Variants in USP25 observed in about 807,000 individuals in gnomAD.
USP25 encodes the protein ubiquitin specific peptidase 25.
Under a neutral mutation model 158.5 loss-of-function variants are expected in USP25, and 85 were observed. That is an observed-to-expected ratio of 0.54 (90% CI 0.45 to 0.64). The LOEUF is 0.64. Among genes scored for constraint, USP25 ranks in the 30% least tolerant of loss-of-function variants. USP25 has a pLI of 0.00. For synonymous variants in USP25, 464 were observed against 460.4 expected (o/e 1.01, Z -0.10); for missense variants, 1,242 against 1,327.3 (o/e 0.94, Z 1.00).
At chr21:15,738,999 A>G (rs2031786603) in intron 1 of USP25, among the ~76,000 whole-genome samples, 1 of 152,084 alleles carries the variant, frequency 6.6e-6, no homozygotes, top group Admixed American at 6.5e-5. Flanking sequence ...TGAGCCCTTA[A>G]AAGGGACAGG....
chr21:15,774,364 G>A (rs963909484), intron 3 of USP25, among the ~76,000 whole-genome samples: 17 of 152,142 alleles, frequency 1.1e-4, no homozygotes, highest in African/African-American at 3.1e-4. Flanking sequence ...AAGCCTTTAA[G>A]TATTGAGAAG....
intron 3 of USP25, among the ~76,000 whole-genome samples, chr21:15,771,915 A>C (rs576295188): frequency 1.4e-4 from 21 of 152,254 alleles, no homozygotes; most frequent in African/African-American, 4.6e-4. Flanking sequence ...TTTTTTAAAA[A>C]AAGTATTTCC....
intron 5 of USP25, among the ~76,000 whole-genome samples, chr21:15,799,176 C>T (rs1443506453): frequency 6.6e-6 from 1 of 151,174 alleles, no homozygotes; most frequent in Non-Finnish European, 1.5e-5. Flanking sequence ...AAAAAACATA[C>T]TCCAGGAAGC....
intron 5 of USP25, among the ~76,000 whole-genome samples, chr21:15,797,570 C>T (rs1013782763): frequency 6.6e-6 from 1 of 151,164 alleles, no homozygotes; most frequent in Non-Finnish European, 1.5e-5. Flanking sequence ...AATTCTTCAC[C>T]AGCACACCCA....
chr21:15,828,575 G>A (rs2037641064), intron 14 of USP25, among the ~76,000 whole-genome samples: 1 of 152,178 alleles, frequency 6.6e-6, no homozygotes, highest in East Asian at 1.9e-4. Context: ...TAAAGCAGTG[G>A]GCAAAGAGGT....
At chr21:15,831,740 A>G in intron 16 of USP25, 111 bp downstream of exon 16, 1 of 900,578 alleles carries the variant, frequency 1.1e-6, no homozygotes, top group Non-Finnish European at 1.8e-6. Context: ...TGTGGTTAGG[A>G]AATGCTACTG....
chr21:15,811,404 A>T (rs550268313), intron 9 of USP25, among the ~76,000 whole-genome samples, 194 bp downstream of exon 9: 1 of 152,212 alleles, frequency 6.6e-6, no homozygotes, highest in African/African-American at 2.4e-5. Context: ...TACAGAGTGC[A>T]TTATCACATA....
At position 15,730,262 on chromosome 21, in the gene USP25, C is replaced by T. The variant is rs1019660405; in HGVS notation, c.-132C>T. On this transcript the variant is annotated 5_prime_UTR_variant, in exon 1 of 26. Transcript: ENST00000400183. ...CGGCCGCCATCGCCTTCGCGCCTGG[C>T]TGGCGGGGGCGCTGTCCTCCCAGGC... 5.8e-5 allele frequency: 55 copies of T among 943,020 alleles called. No homozygotes were observed. The African/African-American group carries it at 9.1e-4, about 16-fold the overall frequency. The allele number at this position is 943,020 out of a possible 1,614,324, so 58.4% of individuals were successfully genotyped here.
chr21:15,769,781 A>G (rs189711602), intron 3 of USP25, among the ~76,000 whole-genome samples: 43 of 152,160 alleles, frequency 2.8e-4, no homozygotes, highest in Middle Eastern at 3.4e-3. Flanking sequence ...TTAAAACAGG[A>G]AAAAAACAGT....
At chr21:15,780,331 G>A (rs532230662) in intron 4 of USP25, among the ~76,000 whole-genome samples, 66 of 152,226 alleles carry the variant, frequency 4.3e-4, no homozygotes, top group East Asian at 1.5e-3. Context: ...TAAGTAGAAC[G>A]TTTTTAAAGT....
At chr21:15,740,236 C>A (rs189142311) in intron 1 of USP25, among the ~76,000 whole-genome samples, 7 of 152,316 alleles carry the variant, frequency 4.6e-5, no homozygotes, top group African/African-American at 1.7e-4. Flanking sequence ...GCAGATTATT[C>A]TTCTGCACTT....
chr21:15,772,670 T>G (rs534283107), intron 3 of USP25, among the ~76,000 whole-genome samples: 16 of 152,350 alleles, frequency 1.1e-4, no homozygotes, highest in Admixed American at 3.3e-4. Flanking sequence ...GAGCGCTAGT[T>G]TTTATTATAA....
chr21:15,743,604 A>C (rs1043137228), intron 1 of USP25, among the ~76,000 whole-genome samples: 3 of 152,178 alleles, frequency 2.0e-5, no homozygotes, highest in Non-Finnish European at 4.4e-5. Context: ...ATTATTCGGA[A>C]AGAACCAATT....
intron 4 of USP25, among the ~76,000 whole-genome samples, chr21:15,786,075 C>T (rs2035256066): frequency 6.6e-6 from 1 of 152,150 alleles, no homozygotes; most frequent in African/African-American, 2.4e-5. Flanking sequence ...TGAACACACA[C>T]AACCTACCAA....
chr21:15,791,983 A>G (rs868121826), intron 5 of USP25, among the ~76,000 whole-genome samples: 2 of 151,884 alleles, frequency 1.3e-5, no homozygotes, highest in South Asian at 2.1e-4. Flanking sequence ...TTATGGAAGC[A>G]TTGTAACCAA....
At chr21:15,821,479 C>T (rs529613234) in intron 10 of USP25, among the ~76,000 whole-genome samples, 1 of 151,998 alleles carries the variant, frequency 6.6e-6, no homozygotes, top group South Asian at 2.1e-4. Context: ...TGTGTTGGCA[C>T]TGCCAAATTT....
At chr21:15,786,143 A>G (rs1443448642) in intron 4 of USP25, among the ~76,000 whole-genome samples, 2 of 152,178 alleles carry the variant, frequency 1.3e-5, no homozygotes, top group Non-Finnish European at 2.9e-5. Flanking sequence ...GGAGAATTGA[A>G]TAACTGCTAA....
At chr21:15,829,961 A>T (rs776626301) in intron 14 of USP25, among the ~76,000 whole-genome samples, 3 of 152,178 alleles carry the variant, frequency 2.0e-5, no homozygotes, top group Non-Finnish European at 2.9e-5. Context: ...TTACAATCTA[A>T]CCGTTTCCTT....
intron 1 of USP25, among the ~76,000 whole-genome samples, chr21:15,759,524 G>A (rs1168711015): frequency 6.6e-6 from 1 of 152,184 alleles, no homozygotes; most frequent in Non-Finnish European, 1.5e-5. Flanking sequence ...TCTGGTCACA[G>A]GGTGGCTTCC....
Sources: allele counts gnomAD v4.1 joint callset (sites outside exome capture counted in the v4.1 genomes callset), GRCh38; gene constraint gnomAD v4.1.1; transcripts MANE v1.5; gene names NCBI Gene and HGNC (gene_info 2026-07-23, HGNC 2026-07-21).